KDM6A: variants seen among roughly 807,000 people sequenced by gnomAD.
KDM6A encodes the protein lysine-specific demethylase 6A.
A neutral mutation model predicts 117.6 loss-of-function variants in KDM6A; 11 were observed. The ratio of observed to expected loss-of-function variants is 0.09; its 90% CI spans 0.06 to 0.15. KDM6A has a LOEUF of 0.15. KDM6A is among the 10% of genes least tolerant of loss of function. The pLI, the probability that KDM6A is intolerant of heterozygous loss-of-function variation, is 1.00. For synonymous variants in KDM6A, 384 were observed against 396.1 expected, an observed-to-expected ratio of 0.97 and a Z score of 0.36; for missense variants, 799 against 1,077.3, an observed-to-expected ratio of 0.74 and a Z score of 3.62.
chrX:44,954,068 A>T (rs766518487), intron 2 of KDM6A, among the ~76,000 whole-genome samples: 45 of 109,773 alleles, frequency 4.1e-4, no homozygotes, highest in South Asian at 7.8e-4. Flanking sequence ...AAAAAAAAAA[A>T]AATAATAATA....
rs892865509 is a variant in KDM6A, at chrX:45,112,590, A to G, written c.*1179A>G. The G allele has an allele frequency of 7.6e-6, 1 of 131,605 alleles. No homozygotes were observed. The highest frequency in any genetic ancestry group is 1.5e-5 in the Non-Finnish European group (1 of 64,579). 10.8% of individuals were successfully genotyped at this position (131,605 alleles called of 1,213,427 possible). A position where few individuals can be genotyped will look rare whatever the true frequency, so the allele number is the denominator to read the frequency against. On this transcript the variant is annotated 3_prime_UTR_variant, in exon 30 of 30. Transcript: ENST00000611820. ...TACTGCAATGACAGACCAATAAACA[A>G]TTGCTGCCAAAATGTAGTATAATAG...
Position 45,037,683 on chromosome X carries a change from A to C in KDM6A, c.648A>C (p.Glu216Asp), listed in dbSNP as rs1345717578. 1 of 1,194,582 alleles carries C rather than the reference A, an allele frequency of 8.4e-7. No homozygotes were observed. The highest frequency in any genetic ancestry group is 2.2e-5 in the Admixed American group (1 of 45,687). The change falls in exon 8 of 30, where the codon GAA (glutamate) becomes GAC (aspartate). Residue 216 changes from glutamate (E) to aspartate (D), a missense_variant. Coordinates refer to ENST00000611820, the MANE Select transcript of KDM6A (RefSeq NM_001291415.2). ...AATTTCACATTGCCCACTTATATGAAACCCAGGTAAGTATTTTAACTTATT... is the reference window on the plus strand; with the variant it reads ...AATTTCACATTGCCCACTTATATGACACCCAGGTAAGTATTTTAACTTATT... ...EIQFHIAHLY[E>D]TQRKYHSAKE...
rs139065005 is a variant in KDM6A at position 44,955,691 on chromosome X, A to G, written c.226-5593A>G. On this transcript the variant is annotated intron_variant, in intron 2 of 29. Transcript: ENST00000611820. ...CAATATTTATCCCCATTAGGTTAAT[A>G]TAGGGGTTTTTCTTTTTCCCTAAAA... is the stretch of plus-strand genomic sequence containing the variant. Among the ~76,000 whole-genome samples the G allele has an allele frequency of 7.1e-3, 792 of 111,520 alleles. 7 individuals are homozygous for G. The highest frequency in any genetic ancestry group is 0.024 in the African/African-American group (737 of 30,771).
intron 6 of KDM6A, among the ~76,000 whole-genome samples, chrX:45,031,068 A>G (rs1293875859): frequency 1.8e-5 from 2 of 112,375 alleles, no homozygotes; most frequent in Non-Finnish European, 3.8e-5. Flanking sequence ...TTTGACATGC[A>G]ACAGTACCTG....
At chrX:45,074,761 G>A (rs998448204) in intron 18 of KDM6A, among the ~76,000 whole-genome samples, 8 of 112,178 alleles carry the variant, frequency 7.1e-5, no homozygotes, top group African/African-American at 2.3e-4. Flanking sequence ...ACATTCAAGT[G>A]ATTGAATTGT....
chrX:45,040,364 A>C (rs1602681333), intron 8 of KDM6A, among the ~76,000 whole-genome samples: 1 of 81,838 alleles, frequency 1.2e-5, no homozygotes, highest in East Asian at 4.4e-4. Flanking sequence ...GGCCCCCCTC[A>C]CCTCCCGGAC....
intron 3 of KDM6A, among the ~76,000 whole-genome samples, chrX:44,969,411 C>CTTTTTTTTT (rs11288771): frequency 1.2e-3 from 43 of 35,947 alleles, no homozygotes; most frequent in South Asian, 2.5e-3. Flanking sequence ...CTCTTTTTAT[C>CTTTTTTTTT]TTTTTTTTTT....
rs562316210 is a variant in KDM6A, at chrX:44,977,515, C to T, written c.384+2800C>T. Among the ~76,000 whole-genome samples the T allele has an allele frequency of 2.8e-4, 31 of 111,707 alleles. 1 individual carries two copies. Among genetic ancestry groups the T allele is most frequent in the African/African-American group, 8.4e-4 (26 of 30,773 alleles). On this transcript the variant is annotated intron_variant, in intron 4 of 29. Transcript: ENST00000611820. Reference sequence around the variant, plus strand: ...CTGGCCTCAAGTAATTCTCCCACCTCGGCCTCCCAAAGTGCTGGGATTACA... The same window carrying T: ...CTGGCCTCAAGTAATTCTCCCACCTTGGCCTCCCAAAGTGCTGGGATTACA...
intron 27 of KDM6A, among the ~76,000 whole-genome samples, chrX:45,099,298 T>TTC (rs2046240240): frequency 9.1e-6 from 1 of 110,076 alleles, no homozygotes; most frequent in African/African-American, 3.3e-5. Flanking sequence ...AAAATGTCTT[T>TTC]TTTTTTTTTT....
At chrX:45,025,914 G>A (rs1157400514) in intron 6 of KDM6A, among the ~76,000 whole-genome samples, 1 of 111,754 alleles carries the variant, frequency 8.9e-6, no homozygotes, top group African/African-American at 3.3e-5. Flanking sequence ...TGATTGAAGG[G>A]GTTAATGTGA....
intron 4 of KDM6A, among the ~76,000 whole-genome samples, chrX:44,982,245 A>G (rs918838791): frequency 6.3e-5 from 7 of 111,851 alleles, no homozygotes; most frequent in African/African-American, 1.3e-4. Context: ...TTGGTCTGTT[A>G]CAAGATATGC....
chrX:45,010,567 G>C (rs2041711503), intron 4 of KDM6A, among the ~76,000 whole-genome samples: 1 of 111,248 alleles, frequency 9.0e-6, no homozygotes, highest in Non-Finnish European at 1.9e-5. Context: ...CATTTCCTTT[G>C]AATTCTAACT....
At chrX:44,988,999 C>G (rs1046079914) in intron 4 of KDM6A, among the ~76,000 whole-genome samples, 1 of 109,006 alleles carries the variant, frequency 9.2e-6, no homozygotes, top group Non-Finnish European at 1.9e-5. Context: ...TGCCCTGCCC[C>G]CAGAGGTGGA....
At chrX:44,984,838 G>T (rs945832528) in intron 4 of KDM6A, among the ~76,000 whole-genome samples, 1 of 111,657 alleles carries the variant, frequency 9.0e-6, no homozygotes, top group Non-Finnish European at 1.9e-5. Flanking sequence ...TTTGAAGCCA[G>T]ATAGTGTGAT....
chrX:45,041,139 T>C (rs1186667180), intron 8 of KDM6A, among the ~76,000 whole-genome samples: 1 of 55,469 alleles, frequency 1.8e-5, no homozygotes, highest in Admixed American at 2.0e-4. Context: ...CCCCACCACC[T>C]CCCTCCCGGA....
At chrX:45,080,553 G>A (rs755066628) in intron 21 of KDM6A, among the ~76,000 whole-genome samples, 1 of 111,941 alleles carries the variant, frequency 8.9e-6, no homozygotes, top group South Asian at 3.7e-4. Context: ...TTTAATTTGT[G>A]ATTCATTAGA....
In KDM6A at chrX:44,974,469, T is replaced by G. The variant is rs141784759; in HGVS notation, c.335-197T>G. On this transcript the variant is annotated intron_variant, in intron 3 of 29. Coordinates refer to ENST00000611820, the MANE Select transcript of KDM6A (RefSeq NM_001291415.2). The stretch of plus-strand genomic sequence containing the variant: ...TCTAAGGGGTTAGCCTAGATGCTGT[T>G]CAAGTGCAGATCTGAGATTTGACCA... Among the ~76,000 whole-genome samples the G allele has an allele frequency of 5.6e-3, 624 of 110,913 alleles. 2 individuals carry two copies. The highest frequency in any genetic ancestry group is 9.0e-3 in the Admixed American group (93 of 10,310).
intron 4 of KDM6A, among the ~76,000 whole-genome samples, chrX:44,983,690 T>G (rs1248249591): frequency 1.8e-5 from 2 of 109,443 alleles, no homozygotes; most frequent in Non-Finnish European, 3.8e-5. Flanking sequence ...TAAGATAGTT[T>G]GCTGAGAATG....
intron 2 of KDM6A, among the ~76,000 whole-genome samples, chrX:44,913,384 C>T (rs1162521315): frequency 2.8e-5 from 3 of 105,909 alleles, no homozygotes; most frequent in South Asian, 4.2e-4. Flanking sequence ...CTGCGACCTC[C>T]GCCTCCTGGG....
Sources: allele counts gnomAD v4.1 joint callset (sites outside exome capture counted in the v4.1 genomes callset), GRCh38; gene constraint gnomAD v4.1.1; transcripts MANE v1.5; gene names NCBI Gene and HGNC (gene_info 2026-07-23, HGNC 2026-07-21).